RIC1: variants seen among roughly 807,000 people sequenced by gnomAD.
RIC1 encodes guanine nucleotide exchange factor subunit RIC1.
In RIC1, 88 loss-of-function variants were observed where a neutral mutation model predicts 169.0. The ratio of observed to expected loss-of-function variants is 0.52; its 90% CI spans 0.44 to 0.62. The LOEUF is 0.62. Among genes scored for constraint, RIC1 ranks in the 20% least tolerant of loss-of-function variants. The probability of loss-of-function intolerance (pLI) is 0.00; values close to 1 mark genes in which losing one functional copy is unlikely to be tolerated. For synonymous variants in RIC1, 790 were observed against 601.5 expected (o/e 1.31, Z -4.59); for missense variants, 1,877 against 1,725.5 (o/e 1.09, Z -1.56).
At chr9:5,678,170 C>T (rs1820575346) in intron 2 of RIC1, among the ~76,000 whole-genome samples, 1 of 152,174 alleles carries the variant, frequency 6.6e-6, no homozygotes, top group African/African-American at 2.4e-5. Flanking sequence ...CTACAAAGGA[C>T]ATGAACTCAT....
chr9:5,774,187 G>C lies in RIC1; in HGVS notation c.4213G>C (p.Ala1405Pro). The change falls in exon 26 of 26, where the codon GCC becomes CCC. Residue 1405 changes from alanine (A) to proline (P), a missense_variant. Physicochemically the swap from Ala to Pro is conservative, Grantham distance 27. Transcript: ENST00000414202. Reference sequence around the variant, plus strand: ...GGTCAGCCGGAAAGAGGAGGACACAGCCCAAGCAGAGGAGGAAGAACCTTT... The same window carrying C: ...GGTCAGCCGGAAAGAGGAGGACACACCCCAAGCAGAGGAGGAAGAACCTTT... ...NMVSRKEEDT[A>P]QAEEEEPFQD... 2 of 1,613,980 alleles carry C rather than the reference G, an allele frequency of 1.2e-6. No individual in the cohort carries two copies. Among genetic ancestry groups the C allele is most frequent in the Non-Finnish European group, 1.7e-6 (2 of 1,179,938 alleles).
chr9:5,709,383 C>T (rs1822794864), intron 3 of RIC1, among the ~76,000 whole-genome samples: 1 of 152,132 alleles, frequency 6.6e-6, no homozygotes, highest in Non-Finnish European at 1.5e-5. Context: ...TTTTCAGTTG[C>T]TTAGAGCCTT....
chr9:5,635,623 C>T (rs1300968699), intron 1 of RIC1, among the ~76,000 whole-genome samples: 1 of 152,196 alleles, frequency 6.6e-6, no homozygotes, highest in Non-Finnish European at 1.5e-5. Flanking sequence ...TATGGTTTGG[C>T]TCTATTTCCC....
At chr9:5,671,944 C>T (rs1923932) in intron 2 of RIC1, among the ~76,000 whole-genome samples, 3 of 151,948 alleles carry the variant, frequency 2.0e-5, no homozygotes, top group Non-Finnish European at 2.9e-5. Flanking sequence ...AAAGGGAGGA[C>T]TGTGTCTGCT....
In RIC1 at chr9:5,776,089, A is replaced by G. The variant is rs903730456; in HGVS notation, c.*1843A>G. 2.0e-5 allele frequency: 3 copies of G among 152,302 alleles called. No individual in the cohort carries two copies. The East Asian group carries it at 5.8e-4, about 29-fold the overall frequency. The allele number at this position is 152,302 out of a possible 1,614,324, so 9.4% of individuals were successfully genotyped here. A position where few individuals can be genotyped will look rare whatever the true frequency, so the allele number is the denominator to read the frequency against. On this transcript the variant is annotated 3_prime_UTR_variant, in exon 26 of 26. Coordinates refer to ENST00000414202, the MANE Select transcript of RIC1 (RefSeq NM_020829.4). ...GCTGTGATCTTTTCAAGTATCTGAA[A>G]TAAAACACTGTGCTGCTGAGTTCAT...
At chr9:5,722,605 G>A (rs534498397) in intron 6 of RIC1, among the ~76,000 whole-genome samples, 28 of 152,018 alleles carry the variant, frequency 1.8e-4, no homozygotes, top group East Asian at 1.5e-3. Flanking sequence ...TGTGCACAGC[G>A]TGCAGGTTTG....
Position 5,770,175 on chromosome 9 carries a change from G to A in RIC1, c.3513G>A (p.Gln1171=). ...GCATCTCCAACATCCAGCGAAGTCA[G>A]AGCTGGCTCAGCAACATTGGCCCCA... ...DAGISNIQRS[Q]SWLSNIGPTH... Residue 1171 remains glutamine (Q), a synonymous_variant, in exon 23 of 26, where the codon CAG becomes CAA. Coordinates refer to ENST00000414202, the MANE Select transcript of RIC1 (RefSeq NM_020829.4). The A allele has an allele frequency of 6.2e-7, 1 of 1,613,960 alleles. No homozygotes were observed. The highest frequency in any genetic ancestry group is 8.5e-7 in the Non-Finnish European group (1 of 1,179,922).
intron 22 of RIC1, 26 bp downstream of exon 22, chr9:5,769,282 A>T (rs1312069174): frequency 6.2e-7 from 1 of 1,613,978 alleles, no homozygotes; most frequent in South Asian, 1.1e-5. Flanking sequence ...TGTCACTTGT[A>T]CAAGGAGAAT....
At chr9:5,705,695 C>A (rs568383566) in intron 3 of RIC1, among the ~76,000 whole-genome samples, 1 of 152,152 alleles carries the variant, frequency 6.6e-6, no homozygotes, top group African/African-American at 2.4e-5. Flanking sequence ...GAGCAGCATT[C>A]TTGTCTCATG....
intron 25 of RIC1, chr9:5,773,315 G>A (rs992315271): frequency 1.1e-5 from 2 of 185,090 alleles, no homozygotes; most frequent in African/African-American, 4.7e-5. Context: ...AATTTATAGT[G>A]TGAATGTATA....
chr9:5,753,184 G>A lies in RIC1; in HGVS notation c.1453-16G>A. ...ATTTCATAAGTTTTACCAATCTGAT[G>A]TGTTATTTTCTATAGATTTCCAGCA... On this transcript the variant is annotated splice_polypyrimidine_tract_variant and intron_variant, in intron 12 of 25. Transcript: ENST00000414202. 3 of 1,602,724 alleles carry A rather than the reference G, an allele frequency of 1.9e-6. No homozygotes were observed. Among genetic ancestry groups the A allele is most frequent in the Non-Finnish European group, 2.6e-6 (3 of 1,169,712 alleles).
chr9:5,652,363 A>G lies in RIC1; in HGVS notation c.145-4220A>G, dbSNP rs545794573. ...ATAAACATGGGATATCTTTCCATGT[A>G]TTTGTGTTTTCTTCATTTTATTACT... On this transcript the variant is annotated intron_variant, in intron 1 of 25. Transcript: ENST00000414202. Among the ~76,000 whole-genome samples, 9 of 152,206 alleles carry G rather than the reference A, an allele frequency of 5.9e-5. No individual in the cohort carries two copies. In the South Asian group the frequency reaches 1.7e-3, roughly 28 times the overall value.
At position 5,695,866 on chromosome 9, in the gene RIC1, C is replaced by G. The variant is rs371289120; in HGVS notation, c.332+5828C>G. ...GATTTCAGGCGTGAGCCACTGCACC[C>G]GGCCTATTATGTCTTCTTAATGTCA... is the stretch of plus-strand genomic sequence containing the variant. On this transcript the variant is annotated intron_variant, in intron 3 of 25. Transcript: ENST00000414202. 3.9e-5 allele frequency among the ~76,000 whole-genome samples: 6 copies of G among 152,070 alleles called. No individual in the cohort carries two copies. In the East Asian group the frequency reaches 9.7e-4, roughly 24 times the overall value.
chr9:5,650,885 A>G (rs147378518), intron 1 of RIC1, among the ~76,000 whole-genome samples: 1 of 152,224 alleles, frequency 6.6e-6, no homozygotes, highest in Non-Finnish European at 1.5e-5. Context: ...GCATTGCATC[A>G]CTGTAGGCCC....
At chr9:5,749,648 T>C (rs1001397585) in intron 12 of RIC1, among the ~76,000 whole-genome samples, 1 of 152,112 alleles carries the variant, frequency 6.6e-6, no homozygotes, top group African/African-American at 2.4e-5. Context: ...TGCTACCTTA[T>C]ACTCCTTAGC....
chr9:5,670,921 T>C (rs1820051276), intron 2 of RIC1, among the ~76,000 whole-genome samples: 3 of 152,176 alleles, frequency 2.0e-5, no homozygotes, highest in Admixed American at 2.0e-4. Flanking sequence ...ATGGTCTTCA[T>C]GTCGAGTCCA....
At chr9:5,650,576 G>C (rs1308124028) in intron 1 of RIC1, among the ~76,000 whole-genome samples, 1 of 152,006 alleles carries the variant, frequency 6.6e-6, no homozygotes, top group African/African-American at 2.4e-5. Flanking sequence ...GGTATGGTAT[G>C]CTTTGCTCCA....
rs74764359 is a variant in RIC1, at chr9:5,770,253, C to A, written c.3591C>A (p.Ala1197=). The A allele has an allele frequency of 1.8e-3, 2,906 of 1,613,300 alleles. 36 individuals carry two copies. In the African/African-American group the frequency reaches 0.031, roughly 17 times the overall value. The change falls in exon 23 of 26, where the codon GCC becomes GCA. Residue 1197 remains alanine, a synonymous_variant. Transcript: ENST00000414202. ...ASSHGPQMQD[A]FLSPLSNKGD... ...CCCATGGACCACAAATGCAAGATGC[C>A]TTCTTGTCACCTTTATCTAATAAAG...
At chr9:5,710,885 G>T (rs1822891004) in intron 3 of RIC1, among the ~76,000 whole-genome samples, 1 of 152,056 alleles carries the variant, frequency 6.6e-6, no homozygotes. Flanking sequence ...TAGAATAAAA[G>T]ACAAGAATAA....
Sources: allele counts gnomAD v4.1 joint callset (sites outside exome capture counted in the v4.1 genomes callset), GRCh38; gene constraint gnomAD v4.1.1; transcripts MANE v1.5; gene names NCBI Gene and HGNC (gene_info 2026-07-23, HGNC 2026-07-21).